LMBRD1: variants seen among roughly 807,000 people sequenced by gnomAD.
LMBRD1 encodes lysosomal cobalamin transport escort protein LMBD1.
A neutral mutation model predicts 74.8 loss-of-function variants in LMBRD1; 64 were observed. The ratio of observed to expected loss-of-function variants is 0.86; its 90% confidence interval spans 0.70 to 1.05. The LOEUF is 1.05. Among genes scored for constraint, LMBRD1 ranks in the 50% least tolerant of loss-of-function variants. LMBRD1 has a pLI of 0.00. For missense variants in LMBRD1, 652 were observed against 645.9 expected (o/e 1.01, Z -0.10); for synonymous variants, 204 against 216.3 (o/e 0.94, Z 0.50).
chr6:69,705,737 C>A (rs1477568389), intron 9 of LMBRD1: 47 of 1,182,928 alleles, frequency 4.0e-5, no homozygotes, highest in Admixed American at 8.5e-5. Flanking sequence ...CAGGGACAGA[C>A]CACTTTCCAG....
At chr6:69,752,564 C>G (rs978551111) in intron 3 of LMBRD1, among the ~76,000 whole-genome samples, 6 of 152,124 alleles carry the variant, frequency 3.9e-5, no homozygotes, top group African/African-American at 1.4e-4. Context: ...AGAATAACAA[C>G]CCATAATTCA....
Position 69,758,366 on chromosome 6 carries a change from T to G in LMBRD1, c.308-6010A>C, listed in dbSNP as rs73486006. Among the ~76,000 whole-genome samples the G allele has an allele frequency of 5.0e-3, 766 of 152,148 alleles. 5 individuals are homozygous for G. Among genetic ancestry groups the G allele is most frequent in the African/African-American group, 0.015 (605 of 41,542 alleles). On this transcript the variant is annotated intron_variant, in intron 3 of 15. Transcript: ENST00000649934. ...ATTCTAAAAGCCTTCTAAAATTATC[T>G]ATTTACCCAGCTGAAAAACTCCTGA... is the stretch of plus-strand genomic sequence containing the variant.
At chr6:69,721,553 T>G (rs1766614989) in intron 7 of LMBRD1, among the ~76,000 whole-genome samples, 1 of 152,176 alleles carries the variant, frequency 6.6e-6, no homozygotes, top group Non-Finnish European at 1.5e-5. Flanking sequence ...CCCTGGTCCC[T>G]CAATAACCAG....
intron 14 of LMBRD1, among the ~76,000 whole-genome samples, chr6:69,695,291 G>A (rs1765971261): frequency 6.6e-6 from 1 of 151,170 alleles, no homozygotes; most frequent in African/African-American, 2.4e-5. Flanking sequence ...CTTCTTCATG[G>A]AATTAATTTT....
intron 2 of LMBRD1, among the ~76,000 whole-genome samples, chr6:69,784,860 C>G (rs1765913253): frequency 6.6e-6 from 1 of 152,148 alleles, no homozygotes; most frequent in African/African-American, 2.4e-5. Context: ...GTACTGAATT[C>G]TAAAGTATAC....
Position 69,795,415 on chromosome 6 carries a change from A to C in LMBRD1, c.69+1398T>G, listed in dbSNP as rs990369564. On this transcript the variant is annotated intron_variant, in intron 1 of 15. Transcript: ENST00000649934. ...ATAAAATACATGTTTCAAGAATTTCAGTTTTCTCACTTATCTTCAGGCCCT... is the reference window on the plus strand; with the variant it reads ...ATAAAATACATGTTTCAAGAATTTCCGTTTTCTCACTTATCTTCAGGCCCT... Among the ~76,000 whole-genome samples the C allele has an allele frequency of 5.3e-5, 8 of 152,296 alleles. No homozygotes were observed. In the South Asian group the frequency reaches 1.7e-3, roughly 32 times the overall value.
At chr6:69,769,548 C>T (rs1489981293) in intron 3 of LMBRD1, among the ~76,000 whole-genome samples, 1 of 152,012 alleles carries the variant, frequency 6.6e-6, no homozygotes, top group Non-Finnish European at 1.5e-5. Context: ...TATTTCTTTG[C>T]ATATTTTATA....
intron 4 of LMBRD1, among the ~76,000 whole-genome samples, chr6:69,750,144 A>T (rs1319919870): frequency 6.7e-6 from 1 of 149,186 alleles, no homozygotes; most frequent in Non-Finnish European, 1.5e-5. Context: ...ATATATGTGC[A>T]TATATACTTA....
chr6:69,756,755 C>G (rs1297873163), intron 3 of LMBRD1, among the ~76,000 whole-genome samples: 1 of 152,168 alleles, frequency 6.6e-6, no homozygotes, highest in Admixed American at 6.5e-5. Context: ...AAGTGACCAG[C>G]TTTGATTACC....
chr6:69,718,953 C>T lies in LMBRD1; in HGVS notation c.762+3G>A, dbSNP rs760615214. ...TCCCAATTACACCAAAACATCAACT[C>T]ACTTTTGATTTAATCGTTTGAATGT... On this transcript the variant is annotated splice_donor_region_variant and intron_variant, in intron 8 of 15. Transcript: ENST00000649934. The T allele has an allele frequency of 1.2e-6, 2 of 1,613,096 alleles. No individual in the cohort carries two copies. The highest frequency in any genetic ancestry group is 2.2e-5 in the East Asian group (1 of 44,828).
intron 3 of LMBRD1, among the ~76,000 whole-genome samples, chr6:69,755,856 G>C (rs1765256721): frequency 6.6e-6 from 1 of 152,154 alleles, no homozygotes; most frequent in Non-Finnish European, 1.5e-5. Flanking sequence ...CTGTTACTTG[G>C]TGGGCTTGGC....
At chr6:69,722,631 T>C (rs1766640826) in intron 7 of LMBRD1, among the ~76,000 whole-genome samples, 1 of 152,160 alleles carries the variant, frequency 6.6e-6, no homozygotes, top group African/African-American at 2.4e-5. Context: ...TTTAAAATAA[T>C]GGGTTATAAA....
chr6:69,741,770 TAA>T lies in LMBRD1; in HGVS notation c.562+17_562+18del. ...AGGAAATATAAACTACTATGTTTTT[TAA>T]AAAAAACAATACTTACGACTACTTC... On this transcript the variant is annotated intron_variant, in intron 6 of 15. Coordinates refer to ENST00000649934, the MANE Select transcript of LMBRD1 (RefSeq NM_018368.4). The T allele has an allele frequency of 1.4e-6, 2 of 1,403,228 alleles. No homozygotes were observed. Among genetic ancestry groups the T allele is most frequent in the Non-Finnish European group, 2.0e-6 (2 of 989,604 alleles). The allele number at this position is 1,403,228 out of a possible 1,614,324, so 86.9% of individuals were successfully genotyped here. A position where few individuals can be genotyped will look rare whatever the true frequency, so the allele number is the denominator to read the frequency against.
chr6:69,753,595 C>A (rs1014627536), intron 3 of LMBRD1, among the ~76,000 whole-genome samples: 2 of 152,154 alleles, frequency 1.3e-5, no homozygotes, highest in South Asian at 2.1e-4. Flanking sequence ...TGTATGCACA[C>A]AAGAGTTGAA....
intron 9 of LMBRD1, among the ~76,000 whole-genome samples, chr6:69,711,099 C>T (rs1766373325): frequency 6.6e-6 from 1 of 152,132 alleles, no homozygotes; most frequent in African/African-American, 2.4e-5. Context: ...GTGATACAGA[C>T]ACACACTGTA....
chr6:69,692,042 AT>A (rs1303279323), intron 14 of LMBRD1, among the ~76,000 whole-genome samples: 2 of 152,258 alleles, frequency 1.3e-5, no homozygotes, highest in African/African-American at 4.8e-5. Flanking sequence ...TCTTTCTTAC[AT>A]TATTATTTAC....
chr6:69,755,499 G>C (rs1434751313), intron 3 of LMBRD1, among the ~76,000 whole-genome samples: 1 of 150,778 alleles, frequency 6.6e-6, no homozygotes, highest in East Asian at 2.0e-4. Flanking sequence ...TTAAAACCTA[G>C]ATGATGAGTT....
At chr6:69,691,905 G>T in intron 14 of LMBRD1, among the ~76,000 whole-genome samples, 1 of 147,116 alleles carries the variant, frequency 6.8e-6, no homozygotes. Context: ...AAGAAAGAAA[G>T]CTTGGTAAAC....
At chr6:69,703,113 T>C (rs1329811219) in intron 9 of LMBRD1, among the ~76,000 whole-genome samples, 6 of 152,172 alleles carry the variant, frequency 3.9e-5, no homozygotes, top group African/African-American at 1.2e-4. Context: ...CTATTTTTCA[T>C]GCTAGGATTC....
Sources: allele counts gnomAD v4.1 joint callset (sites outside exome capture counted in the v4.1 genomes callset), GRCh38; gene constraint gnomAD v4.1.1; transcripts MANE v1.5; gene names NCBI Gene and HGNC (gene_info 2026-07-23, HGNC 2026-07-21).